ZBTB16: variants seen among roughly 807,000 people sequenced by gnomAD.
The protein encoded by ZBTB16 is zinc finger and BTB domain-containing protein 16.
Under a neutral mutation model 56.8 loss-of-function variants are expected in ZBTB16, and 8 were observed. That is an observed-to-expected ratio of 0.14 (90% CI 0.08 to 0.25). ZBTB16 has a LOEUF of 0.25. Among genes scored for constraint, ZBTB16 ranks in the 10% least tolerant of loss-of-function variants. ZBTB16 has a pLI of 1.00. For missense variants in ZBTB16, 625 were observed against 903.0 expected (o/e 0.69, Z 3.95); for synonymous variants, 363 against 368.5 (o/e 0.98, Z 0.17).
chr11:114,218,306 C>T (rs545132461), intron 4 of ZBTB16, among the ~76,000 whole-genome samples: 2 of 152,110 alleles, frequency 1.3e-5, no homozygotes, highest in African/African-American at 2.4e-5. Context: ...TTGGTTCTGT[C>T]GCATTGTCTG....
intron 4 of ZBTB16, among the ~76,000 whole-genome samples, chr11:114,233,990 C>G (rs1023396244): frequency 3.3e-5 from 5 of 152,242 alleles, no homozygotes; most frequent in Non-Finnish European, 7.3e-5. Flanking sequence ...TAATCACTCT[C>G]TCATCCATTG....
At chr11:114,156,292 G>C (rs772121679) in intron 2 of ZBTB16, 45 bp from the exon 3 acceptor site, 7 of 1,603,076 alleles carry the variant, frequency 4.4e-6, no homozygotes, top group African/African-American at 1.3e-5. Context: ...CCTGCCTCTT[G>C]TCCAGCCAGA....
chr11:114,163,077 C>T (rs985286455), intron 3 of ZBTB16, among the ~76,000 whole-genome samples: 5 of 152,174 alleles, frequency 3.3e-5, no homozygotes, highest in African/African-American at 9.7e-5. Flanking sequence ...AGCCCGTACA[C>T]GGGAGAGAGG....
chr11:114,118,670 C>T (rs1941250364), intron 2 of ZBTB16, among the ~76,000 whole-genome samples: 1 of 152,202 alleles, frequency 6.6e-6, no homozygotes, highest in East Asian at 1.9e-4. Flanking sequence ...GACACTTAGG[C>T]CTGGGGAGAT....
chr11:114,108,024 C>T (rs1940859259), intron 2 of ZBTB16, among the ~76,000 whole-genome samples: 2 of 151,812 alleles, frequency 1.3e-5, no homozygotes, highest in African/African-American at 4.8e-5. Context: ...AGTTTGTACT[C>T]AGGAAGCATT....
At chr11:114,132,386 T>C (rs1392935582) in intron 2 of ZBTB16, among the ~76,000 whole-genome samples, 1 of 152,218 alleles carries the variant, frequency 6.6e-6, no homozygotes, top group African/African-American at 2.4e-5. Context: ...AGGGCAGCCA[T>C]GCAGCCCAAA....
chr11:114,127,577 C>T (rs1251412044), intron 2 of ZBTB16, among the ~76,000 whole-genome samples: 1 of 152,182 alleles, frequency 6.6e-6, no homozygotes, highest in Non-Finnish European at 1.5e-5. Flanking sequence ...CTTTGCTTTT[C>T]AGGTGCTTGT....
intron 5 of ZBTB16, chr11:114,246,769 C>T (rs900211047): frequency 4.1e-5 from 10 of 246,658 alleles, no homozygotes; most frequent in African/African-American, 2.0e-4. Context: ...GTTTGGGGGA[C>T]AATGTGAAGT....
At chr11:114,183,313 G>A (rs1228229919) in intron 3 of ZBTB16, among the ~76,000 whole-genome samples, 2 of 152,202 alleles carry the variant, frequency 1.3e-5, no homozygotes, top group Non-Finnish European at 2.9e-5. Context: ...GCAAGCAGAT[G>A]TGGTCAGGCT....
intron 4 of ZBTB16, chr11:114,210,921 T>G (rs999577204): frequency 9.4e-5 from 18 of 191,864 alleles, no homozygotes; most frequent in Admixed American, 3.1e-4. Context: ...GTTGATTTTT[T>G]TTTTGTTTTG....
chr11:114,230,203 G>A (rs1944409645), intron 4 of ZBTB16, among the ~76,000 whole-genome samples: 1 of 152,066 alleles, frequency 6.6e-6, no homozygotes, highest in Non-Finnish European at 1.5e-5. Context: ...TCTGTCCTTG[G>A]TCCTTCCTGT....
At chr11:114,090,758 G>A (rs1940155137) in intron 2 of ZBTB16, among the ~76,000 whole-genome samples, 1 of 152,328 alleles carries the variant, frequency 6.6e-6, no homozygotes, top group Admixed American at 6.5e-5. Flanking sequence ...CAGGCTGGGA[G>A]TGTGTACCCA....
At chr11:114,177,851 G>A (rs1943154406) in intron 3 of ZBTB16, among the ~76,000 whole-genome samples, 1 of 152,104 alleles carries the variant, frequency 6.6e-6, no homozygotes. Context: ...CCAGGCTGGG[G>A]TTACAGGCAC....
intron 4 of ZBTB16, among the ~76,000 whole-genome samples, chr11:114,202,042 G>T (rs150392732): frequency 6.6e-6 from 1 of 152,222 alleles, no homozygotes; most frequent in Non-Finnish European, 1.5e-5. Flanking sequence ...AGGTGCCTCA[G>T]TTTCCCACTG....
intron 4 of ZBTB16, among the ~76,000 whole-genome samples, chr11:114,232,003 A>G (rs923656119): frequency 2.0e-5 from 3 of 151,994 alleles, no homozygotes; most frequent in Non-Finnish European, 2.9e-5. Context: ...CAGGTTTTGT[A>G]CTCTTGTTCC....
chr11:114,162,675 C>T (rs1942622864), intron 3 of ZBTB16, among the ~76,000 whole-genome samples: 2 of 152,170 alleles, frequency 1.3e-5, no homozygotes, highest in Admixed American at 6.5e-5. Flanking sequence ...GAAGAAACTT[C>T]GTTCATGTTC....
intron 2 of ZBTB16, among the ~76,000 whole-genome samples, chr11:114,132,104 T>C (rs1941676649): frequency 6.6e-6 from 1 of 152,136 alleles, no homozygotes; most frequent in African/African-American, 2.4e-5. Flanking sequence ...AACTTTAATG[T>C]CAAATGTTCT....
intron 3 of ZBTB16, among the ~76,000 whole-genome samples, chr11:114,170,491 T>G (rs960953505): frequency 6.6e-6 from 1 of 152,336 alleles, no homozygotes; most frequent in African/African-American, 2.4e-5. Flanking sequence ...GCTCCTTTTG[T>G]TGGCTCTCTC....
At chr11:114,236,421 A>G (rs1944590977) in intron 4 of ZBTB16, among the ~76,000 whole-genome samples, 2 of 152,208 alleles carry the variant, frequency 1.3e-5, no homozygotes, top group Admixed American at 1.3e-4. Flanking sequence ...TCACTGTATA[A>G]TATGGCAAAA....
Sources: gnomAD v4.1 joint callset for allele counts (sites outside exome capture counted in the v4.1 genomes callset) on GRCh38, gnomAD v4.1.1 for gene constraint, MANE v1.5 for transcripts, NCBI Gene and HGNC (gene_info 2026-07-23, HGNC 2026-07-21) for gene names.